The following EXOC6B variants were observed in gnomAD, a reference collection of about 807,000 sequenced individuals.
The protein encoded by EXOC6B is exocyst complex component 6B.
Under a neutral mutation model 113.5 loss-of-function variants are expected in EXOC6B, and 54 were observed. The observed-to-expected ratio is 0.48, with a 90% confidence interval of 0.38 to 0.60. The LOEUF is 0.60. Ranked by LOEUF, EXOC6B falls within the 20% of genes least tolerant of loss-of-function variation. The pLI is 0.00. For missense variants in EXOC6B, 797 were observed against 977.5 expected (o/e 0.82, Z 2.46); for synonymous variants, 357 against 339.0 (o/e 1.05, Z -0.58).
intron 18 of EXOC6B, among the ~76,000 whole-genome samples, chr2:72,405,866 T>C (rs1361565835): frequency 1.3e-5 from 2 of 152,144 alleles, no homozygotes; most frequent in African/African-American, 2.4e-5. Flanking sequence ...TAACCTTAAA[T>C]GTAAATGGGC....
At chr2:72,445,742 G>T (rs1263487813) in intron 18 of EXOC6B, among the ~76,000 whole-genome samples, 1 of 152,074 alleles carries the variant, frequency 6.6e-6, no homozygotes, top group Non-Finnish European at 1.5e-5. Flanking sequence ...ACCTCCCACT[G>T]GGTCCCTCCC....
rs545717903 is a variant in EXOC6B at position 72,370,890 on chromosome 2, C to T, written c.2122+8839G>A. ...GGTGATGGGAGGGGGGAGGGATATG[C>T]CTAATGTAAATGACAAGTTAATGGG... On this transcript the variant is annotated intron_variant, in intron 19 of 21. Coordinates refer to ENST00000272427, the MANE Select transcript of EXOC6B (RefSeq NM_015189.3). Among the ~76,000 whole-genome samples the T allele has an allele frequency of 2.9e-3, 432 of 151,132 alleles. 1 individual carries two copies. The highest frequency in any genetic ancestry group is 0.014 in the Middle Eastern group (4 of 294).
At chr2:72,281,213 T>G (rs772409093) in intron 20 of EXOC6B, among the ~76,000 whole-genome samples, 9 of 152,182 alleles carry the variant, frequency 5.9e-5, no homozygotes, top group Non-Finnish European at 1.2e-4. Flanking sequence ...CCTGAATGTA[T>G]TGAGGTGATG....
intron 19 of EXOC6B, among the ~76,000 whole-genome samples, chr2:72,370,921 C>G (rs1261682715): frequency 6.6e-6 from 1 of 151,754 alleles, no homozygotes; most frequent in Non-Finnish European, 1.5e-5. Flanking sequence ...ATGGGTGCAG[C>G]ACACCAACAT....
chr2:72,471,076 C>T (rs1445914847), intron 17 of EXOC6B, among the ~76,000 whole-genome samples: 1 of 152,102 alleles, frequency 6.6e-6, no homozygotes, highest in Non-Finnish European at 1.5e-5. Context: ...AGTTTACAGT[C>T]CCACCAACAG....
At position 72,419,376 on chromosome 2, in the gene EXOC6B, C is replaced by T. The variant is rs189079251; in HGVS notation, c.1981-39506G>A. Among the ~76,000 whole-genome samples, 4 of 152,232 alleles carry T rather than the reference C, an allele frequency of 2.6e-5. No individual in the cohort carries two copies. The East Asian group carries it at 5.8e-4, about 22-fold the overall frequency. ...TAATAACAGCTTTCATAATGGCCCA[C>T]GTATTTACTGTTGCTCAGATCTTTC... On this transcript the variant is annotated intron_variant, in intron 18 of 21. Coordinates refer to ENST00000272427, the MANE Select transcript of EXOC6B (RefSeq NM_015189.3).
At chr2:72,444,319 G>T (rs1231903155) in intron 18 of EXOC6B, among the ~76,000 whole-genome samples, 2 of 152,198 alleles carry the variant, frequency 1.3e-5, no homozygotes, top group Non-Finnish European at 2.9e-5. Context: ...AGAGTACAGT[G>T]TCCCACCCAG....
chr2:72,455,011 AG>A (rs762436910), intron 18 of EXOC6B, among the ~76,000 whole-genome samples: 39 of 152,200 alleles, frequency 2.6e-4, no homozygotes, highest in Non-Finnish European at 7.4e-5. Context: ...ATCTCTTGAT[AG>A]GCAGAAAAAT....
intron 20 of EXOC6B, among the ~76,000 whole-genome samples, chr2:72,307,361 T>G (rs1016595056): frequency 2.0e-5 from 3 of 152,020 alleles, no homozygotes; most frequent in Non-Finnish European, 4.4e-5. Flanking sequence ...TTGGCCAGGA[T>G]GGTCTCGATC....
At chr2:72,238,234 C>T (rs915538178) in intron 20 of EXOC6B, among the ~76,000 whole-genome samples, 1 of 152,170 alleles carries the variant, frequency 6.6e-6, no homozygotes, top group African/African-American at 2.4e-5. Flanking sequence ...TTGTGGCACA[C>T]ATCATTACTT....
intron 6 of EXOC6B, among the ~76,000 whole-genome samples, chr2:72,615,430 A>G (rs1440874575): frequency 6.6e-6 from 1 of 152,040 alleles, no homozygotes; most frequent in African/African-American, 2.4e-5. Context: ...GCAAAGAACA[A>G]ATTGCATTAT....
intron 20 of EXOC6B, among the ~76,000 whole-genome samples, chr2:72,241,718 G>A (rs1325170457): frequency 1.3e-5 from 2 of 152,006 alleles, no homozygotes; most frequent in East Asian, 3.9e-4. Context: ...TATTTAAAAT[G>A]TTGAAAGAAA....
chr2:72,711,327 C>T (rs1679260105), intron 6 of EXOC6B, among the ~76,000 whole-genome samples: 1 of 152,120 alleles, frequency 6.6e-6, no homozygotes, highest in East Asian at 1.9e-4. Flanking sequence ...AAAGATGGCT[C>T]TATTTCACAC....
chr2:72,271,615 A>G (rs78826002), intron 20 of EXOC6B, among the ~76,000 whole-genome samples: 166 of 148,232 alleles, frequency 1.1e-3, no homozygotes, highest in East Asian at 8.1e-3. Context: ...GATTTTAGGG[A>G]AAAAAAAAAC....
chr2:72,765,419 T>A lies in EXOC6B; in HGVS notation c.114-23950A>T, dbSNP rs112801909. Among the ~76,000 whole-genome samples, 687 of 152,314 alleles carry A rather than the reference T, an allele frequency of 4.5e-3. 7 individuals carry two copies. The highest frequency in any genetic ancestry group is 0.015 in the African/African-American group (637 of 41,562). On this transcript the variant is annotated intron_variant, in intron 1 of 21. Transcript: ENST00000272427. ...CAGGCGTGGTGGCTCAGGCCTATAATCCCAGCACTTTGGGAGGCTGAGGTG... is the reference window on the plus strand; with the variant it reads ...CAGGCGTGGTGGCTCAGGCCTATAAACCCAGCACTTTGGGAGGCTGAGGTG...
At chr2:72,508,163 C>CAAAAAAAAAAAAAAAAAAAAAAAA (rs67586747) in intron 11 of EXOC6B, among the ~76,000 whole-genome samples, 2 of 57,526 alleles carry the variant, frequency 3.5e-5, no homozygotes, top group African/African-American at 1.3e-4. Flanking sequence ...ATATTACCCG[C>CAAAAAAAAAAAAAAAAAAAAAAAA]AAAAAAAAAA....
At chr2:72,641,241 G>C (rs552321630) in intron 6 of EXOC6B, among the ~76,000 whole-genome samples, 1 of 152,202 alleles carries the variant, frequency 6.6e-6, no homozygotes, top group Admixed American at 6.5e-5. Flanking sequence ...CAGAGAGGGC[G>C]AGCTGAAGCA....
At chr2:72,221,449 G>T (rs1309843926) in intron 20 of EXOC6B, among the ~76,000 whole-genome samples, 1 of 152,080 alleles carries the variant, frequency 6.6e-6, no homozygotes, top group Non-Finnish European at 1.5e-5. Flanking sequence ...GGCCTACTCT[G>T]ACTACAGTAT....
intron 1 of EXOC6B, among the ~76,000 whole-genome samples, chr2:72,786,078 A>T (rs1225672370): frequency 6.6e-6 from 1 of 152,214 alleles, no homozygotes; most frequent in Non-Finnish European, 1.5e-5. Context: ...AAAATAAAAT[A>T]AAAAATTTAA....
Sources: allele counts gnomAD v4.1 joint callset (sites outside exome capture counted in the v4.1 genomes callset), GRCh38; gene constraint gnomAD v4.1.1; transcripts MANE v1.5; gene names NCBI Gene and HGNC (gene_info 2026-07-23, HGNC 2026-07-21).